MAOB: variants seen among roughly 807,000 people sequenced by gnomAD.
MAOB encodes amine oxidase [flavin-containing] B.
A neutral mutation model predicts 41.9 loss-of-function variants in MAOB; 15 were observed. The ratio of observed to expected loss-of-function variants is 0.36; its 90% confidence interval spans 0.24 to 0.55. The LOEUF is 0.55. Among genes scored for constraint, MAOB ranks in the 20% least tolerant of loss-of-function variants. MAOB has a pLI of 0.86. For synonymous variants in MAOB, 167 were observed against 144.2 expected (o/e 1.16, Z -1.13); for missense variants, 345 against 398.7 (o/e 0.87, Z 1.15).
chrX:43,787,852 G>A (rs1342879183), intron 8 of MAOB, among the ~76,000 whole-genome samples: 1 of 111,554 alleles, frequency 9.0e-6, no homozygotes, highest in Non-Finnish European at 1.9e-5. Flanking sequence ...AATGAGCAAA[G>A]GTAATTTACA....
chrX:43,781,817 T>C (rs2034336806), intron 8 of MAOB, among the ~76,000 whole-genome samples: 2 of 111,960 alleles, frequency 1.8e-5, no homozygotes, highest in African/African-American at 6.5e-5. Context: ...GAAATCTGGT[T>C]CTCCTTGCAG....
intron 1 of MAOB, among the ~76,000 whole-genome samples, chrX:43,878,378 A>C (rs905307982): frequency 4.3e-4 from 45 of 104,215 alleles, no homozygotes; most frequent in African/African-American, 1.5e-3. Context: ...AGTAGCTGGG[A>C]CTACAGGTGC....
intron 8 of MAOB, among the ~76,000 whole-genome samples, chrX:43,790,505 G>A (rs180815380): frequency 1.3e-4 from 15 of 111,831 alleles, no homozygotes; most frequent in African/African-American, 2.6e-4. Flanking sequence ...TACAATAGGC[G>A]CCCAGTTGAA....
chrX:43,804,651 A>G (rs943332762), intron 3 of MAOB, among the ~76,000 whole-genome samples: 9 of 111,806 alleles, frequency 8.0e-5, no homozygotes, highest in African/African-American at 2.9e-4. Flanking sequence ...CAGGTCCAAA[A>G]TCTGTAGGGT....
intron 1 of MAOB, among the ~76,000 whole-genome samples, chrX:43,880,239 A>C (rs1406276327): frequency 8.9e-6 from 1 of 112,091 alleles, no homozygotes; most frequent in Non-Finnish European, 1.9e-5. Flanking sequence ...GAATCAATGA[A>C]TGGACCCCTC....
At chrX:43,835,356 CAGT>C (rs1190342080) in intron 3 of MAOB, among the ~76,000 whole-genome samples, 1 of 112,191 alleles carries the variant, frequency 8.9e-6, no homozygotes, top group African/African-American at 3.2e-5. Flanking sequence ...TCAAAAATCT[CAGT>C]AGATGTTTAA....
chrX:43,863,701 G>A (rs957175999), intron 1 of MAOB, among the ~76,000 whole-genome samples: 4 of 111,349 alleles, frequency 3.6e-5, no homozygotes, highest in African/African-American at 1.3e-4. Context: ...ATACTTTTGA[G>A]ATCCCTAAAT....
At chrX:43,818,109 C>G (rs970333154) in intron 3 of MAOB, among the ~76,000 whole-genome samples, 2 of 112,225 alleles carry the variant, frequency 1.8e-5, no homozygotes, top group African/African-American at 3.2e-5. Context: ...CTCATATAAA[C>G]AAAGTCATAC....
intron 7 of MAOB, 51 bp downstream of exon 7, chrX:43,795,688 C>T (rs182735704): frequency 9.5e-7 from 1 of 1,057,563 alleles, no homozygotes; most frequent in Non-Finnish European, 1.3e-6. Context: ...AAGTTGTATG[C>T]CAGGAAACTG....
At chrX:43,805,407 A>T (rs2034650447) in intron 3 of MAOB, among the ~76,000 whole-genome samples, 2 of 111,730 alleles carry the variant, frequency 1.8e-5, no homozygotes, top group Non-Finnish European at 3.8e-5. Flanking sequence ...GATATAAAAC[A>T]TTCCCATCAT....
intron 10 of MAOB, 21 bp downstream of exon 10, chrX:43,780,321 A>C (rs764472079): frequency 1.9e-5 from 23 of 1,182,862 alleles, no homozygotes; most frequent in Non-Finnish European, 1.9e-5. Context: ...GAAACGAAAG[A>C]AGCAGCATTT....
At chrX:43,794,941 A>G (rs1238867782) in intron 7 of MAOB, among the ~76,000 whole-genome samples, 3 of 109,158 alleles carry the variant, frequency 2.7e-5, no homozygotes, top group African/African-American at 1.0e-4. Flanking sequence ...CCATTCTCTC[A>G]CTCAACAACG....
intron 1 of MAOB, among the ~76,000 whole-genome samples, chrX:43,879,549 G>A (rs1021965862): frequency 1.3e-4 from 14 of 111,493 alleles, no homozygotes; most frequent in African/African-American, 4.6e-4. Flanking sequence ...CATTCCAACT[G>A]CTAGATTTCT....
rs1336568489 is a variant in MAOB at position 43,882,405 on chromosome X, C to T, written c.-106G>A. Reference sequence around the variant, plus strand: ...GCCCGCCCGCCTGCCCGCCGGCCTGCTGCGCGCTGCCCCCGTGCACCAGCG... The same window carrying T: ...GCCCGCCCGCCTGCCCGCCGGCCTGTTGCGCGCTGCCCCCGTGCACCAGCG... On this transcript the variant is annotated 5_prime_UTR_variant, in exon 1 of 15. Coordinates refer to ENST00000378069, the MANE Select transcript of MAOB (RefSeq NM_000898.5). 8.2e-6 allele frequency: 9 copies of T among 1,093,490 alleles called. No homozygotes were observed. In the East Asian group the frequency reaches 3.4e-4, roughly 41 times the overall value. The allele number at this position is 1,093,490 out of a possible 1,213,427, so 90.1% of individuals were successfully genotyped here.
chrX:43,849,282 A>C (rs997884349), intron 1 of MAOB, among the ~76,000 whole-genome samples: 3 of 112,268 alleles, frequency 2.7e-5, no homozygotes, highest in African/African-American at 9.7e-5. Context: ...AGTAATGTGC[A>C]CAAAGGTCAC....
Position 43,771,343 on chromosome X carries a change from G to A in MAOB, c.1236-1925C>T, listed in dbSNP as rs186929828. On this transcript the variant is annotated intron_variant, in intron 12 of 14. Coordinates refer to ENST00000378069, the MANE Select transcript of MAOB (RefSeq NM_000898.5). Reference sequence around the variant, plus strand: ...TGTTAGATGATTATGCCCAACTGTCGGCTAATATAAGTGTTCTGAGCACGT... The same window carrying A: ...TGTTAGATGATTATGCCCAACTGTCAGCTAATATAAGTGTTCTGAGCACGT... 4.4e-3 allele frequency among the ~76,000 whole-genome samples: 492 copies of A among 111,537 alleles called. 1 individual carries two copies. Among genetic ancestry groups the A allele is most frequent in the African/African-American group, 5.1e-3 (157 of 30,739 alleles).
At position 43,791,592 on chromosome X, in the gene MAOB, C is replaced by A. The variant is rs371033703; in HGVS notation, c.928+1827G>T. On this transcript the variant is annotated intron_variant, in intron 8 of 14. Coordinates refer to ENST00000378069, the MANE Select transcript of MAOB (RefSeq NM_000898.5). ...CTAACACGGTGAAACCCCATCTCTA[C>A]TAAAAATGCAAAAAATTAGCCAGGC... is the stretch of plus-strand genomic sequence containing the variant. 7.2e-5 allele frequency among the ~76,000 whole-genome samples: 8 copies of A among 110,984 alleles called. No homozygotes were observed. In the East Asian group the frequency reaches 1.1e-3, roughly 16 times the overall value.
At chrX:43,868,763 C>T (rs763994875) in intron 1 of MAOB, among the ~76,000 whole-genome samples, 10 of 111,069 alleles carry the variant, frequency 9.0e-5, no homozygotes, top group Non-Finnish European at 1.9e-4. Context: ...AGCTCTTTCA[C>T]GGCACCGAGA....
chrX:43,805,429 C>G (rs751894539), intron 3 of MAOB, among the ~76,000 whole-genome samples: 10 of 111,341 alleles, frequency 9.0e-5, no homozygotes, highest in Admixed American at 7.7e-4. Flanking sequence ...CCAGAAAGTT[C>G]CCTCTTTCCC....
Sources: gnomAD v4.1 joint callset for allele counts (sites outside exome capture counted in the v4.1 genomes callset) on GRCh38, gnomAD v4.1.1 for gene constraint, MANE v1.5 for transcripts, NCBI Gene and HGNC (gene_info 2026-07-23, HGNC 2026-07-21) for gene names.